The following VAC14 variants were observed in gnomAD, a reference collection of about 807,000 sequenced individuals.
VAC14 encodes the protein protein VAC14 homolog.
A neutral mutation model predicts 85.3 loss-of-function variants in VAC14; 47 were observed. The ratio of observed to expected loss-of-function variants is 0.55; its 90% CI spans 0.44 to 0.70. The LOEUF (loss-of-function observed/expected upper bound fraction) is 0.70. VAC14 is among the 30% of genes least tolerant of loss of function. VAC14 has a pLI of 0.00. For missense variants in VAC14, 861 were observed against 1,004.3 expected (o/e 0.86, Z 1.93); for synonymous variants, 447 against 430.5 (o/e 1.04, Z -0.47).
intron 6 of VAC14, 81 bp downstream of exon 6, chr16:70,783,364 G>T: frequency 7.1e-7 from 1 of 1,403,260 alleles, no homozygotes; most frequent in Admixed American, 1.7e-5. Context: ...CTCCTGCCGC[G>T]GCCTCTCTGT....
intron 1 of VAC14, among the ~76,000 whole-genome samples, chr16:70,789,356 T>A (rs1043798813): frequency 6.6e-5 from 10 of 152,232 alleles, no homozygotes; most frequent in Admixed American, 2.0e-4. Flanking sequence ...GCCTTCTCCC[T>A]CCTGCTCTGC....
chr16:70,759,765 G>T (rs1269614258), intron 12 of VAC14, among the ~76,000 whole-genome samples: 1 of 152,184 alleles, frequency 6.6e-6, no homozygotes, highest in African/African-American at 2.4e-5. Flanking sequence ...AAATGAGGAG[G>T]AAGATACAAC....
chr16:70,692,584 G>A (rs1194735604), intron 18 of VAC14, among the ~76,000 whole-genome samples: 1 of 152,192 alleles, frequency 6.6e-6, no homozygotes, highest in African/African-American at 2.4e-5. Context: ...TGGAAGTGTT[G>A]CTACTCCCGG....
intron 12 of VAC14, chr16:70,756,199 A>G (rs2031842081): frequency 9.4e-6 from 4 of 425,846 alleles, no homozygotes; most frequent in South Asian, 1.7e-5. Flanking sequence ...AGGCAGCCTC[A>G]CCCCAGCTCT....
intron 13 of VAC14, among the ~76,000 whole-genome samples, chr16:70,738,877 G>C (rs987532861): frequency 1.3e-5 from 2 of 152,194 alleles, no homozygotes; most frequent in African/African-American, 2.4e-5. Flanking sequence ...ACGCTGAGGA[G>C]CCTCCGCATG....
At chr16:70,788,676 C>T (rs2034182253) in intron 1 of VAC14, among the ~76,000 whole-genome samples, 1 of 152,260 alleles carries the variant, frequency 6.6e-6, no homozygotes, top group South Asian at 2.1e-4. Context: ...CCTGCAGATG[C>T]TCTACCAAAC....
At chr16:70,772,442 T>C in intron 9 of VAC14, 1 of 411,230 alleles carries the variant, frequency 2.4e-6, no homozygotes, top group Admixed American at 4.0e-5. Flanking sequence ...AAGGGATCAC[T>C]GGCCTGAGGG....
At chr16:70,739,964 T>C (rs1159775435) in intron 13 of VAC14, among the ~76,000 whole-genome samples, 1 of 152,120 alleles carries the variant, frequency 6.6e-6, no homozygotes, top group Non-Finnish European at 1.5e-5. Flanking sequence ...ACAGTTTTTT[T>C]GTTTTATTTT....
chr16:70,784,875 G>C, intron 3 of VAC14, 37 bp from the exon 4 acceptor site: 1 of 1,590,380 alleles, frequency 6.3e-7, no homozygotes, highest in Non-Finnish European at 8.6e-7. Flanking sequence ...ACACAGAGGC[G>C]AGGGTCACGG....
In VAC14 at chr16:70,731,549, T is replaced by C. The variant is rs1409000959; in HGVS notation, c.1607A>G (p.Lys536Arg). 6.2e-7 allele frequency: 1 copy of C among 1,614,112 alleles called. No homozygotes were observed. Among genetic ancestry groups the C allele is most frequent in the South Asian group, 1.1e-5 (1 of 91,076 alleles). ...YFYKFMINLL[K>R]RFSSERKLLE... The stretch of plus-strand genomic sequence containing the variant: ...GAGCTTCCGTTCGCTGCTGAATCTC[T>C]TGAGAAGGTTGATCATGAACTTATA... The change falls in exon 14 of 19, where the codon AAG (lysine) becomes AGG (arginine). Residue 536 changes from lysine (K) to arginine (R), a missense_variant. Around this residue, in one of 3 missense-constraint regions of VAC14, gnomAD observed 629 missense variants for 703.1 expected, o/e 0.89. Transcript: ENST00000261776.
At chr16:70,779,746 G>A (rs1230208523) in intron 9 of VAC14, among the ~76,000 whole-genome samples, 1 of 152,178 alleles carries the variant, frequency 6.6e-6, no homozygotes, top group Non-Finnish European at 1.5e-5. Flanking sequence ...CTCTTGGTGA[G>A]GACAGAGACC....
intron 1 of VAC14, among the ~76,000 whole-genome samples, chr16:70,787,002 C>G (rs2034094826): frequency 6.6e-6 from 1 of 152,190 alleles, no homozygotes; most frequent in African/African-American, 2.4e-5. Context: ...AAGAGCCTGG[C>G]CAAGGCCACG....
At chr16:70,786,806 C>T (rs549237175) in intron 1 of VAC14, among the ~76,000 whole-genome samples, 2 of 152,308 alleles carry the variant, frequency 1.3e-5, no homozygotes, top group South Asian at 2.1e-4. Context: ...GTAAGAGCCA[C>T]ATGCCAACAA....
chr16:70,710,141 T>C (rs2054000428), intron 14 of VAC14, among the ~76,000 whole-genome samples: 1 of 152,240 alleles, frequency 6.6e-6, no homozygotes, highest in South Asian at 2.1e-4. Context: ...AGCCAAGGAC[T>C]GGTCCCAGGC....
intron 1 of VAC14, among the ~76,000 whole-genome samples, chr16:70,793,090 G>A (rs2034406615): frequency 6.6e-6 from 1 of 152,128 alleles, no homozygotes; most frequent in Non-Finnish European, 1.5e-5. Flanking sequence ...ATTACAGATG[G>A]CAATTCCCTT....
chr16:70,709,669 C>T (rs2053989091), intron 14 of VAC14, among the ~76,000 whole-genome samples: 2 of 152,228 alleles, frequency 1.3e-5, no homozygotes, highest in South Asian at 2.1e-4. Context: ...AGAAAGTCCA[C>T]GGGGCTGACT....
chr16:70,732,843 T>A (rs2054632885), intron 13 of VAC14, among the ~76,000 whole-genome samples: 1 of 152,062 alleles, frequency 6.6e-6, no homozygotes, highest in South Asian at 2.1e-4. Flanking sequence ...GAGGTGGGGT[T>A]TCACCATGTT....
chr16:70,693,647 C>G (rs1044194758), intron 17 of VAC14, among the ~76,000 whole-genome samples: 22 of 152,194 alleles, frequency 1.4e-4, no homozygotes, highest in Non-Finnish European at 3.1e-4. Flanking sequence ...ACGGACCCCG[C>G]TGGTGGCTGG....
At chr16:70,766,224 G>A (rs1204530422) in intron 10 of VAC14, among the ~76,000 whole-genome samples, 1 of 151,970 alleles carries the variant, frequency 6.6e-6, no homozygotes, top group Non-Finnish European at 1.5e-5. Context: ...CTCCCCACCA[G>A]TGCACTAAGA....
Sources: gnomAD v4.1 joint callset for allele counts (sites outside exome capture counted in the v4.1 genomes callset) on GRCh38, gnomAD v4.1.1 for gene constraint, gnomAD v4.1.1 regional missense constraint, MANE v1.5 for transcripts, NCBI Gene and HGNC (gene_info 2026-07-23, HGNC 2026-07-21) for gene names.